TMCO5A: variants seen among roughly 807,000 people sequenced by gnomAD.
TMCO5A encodes transmembrane and coiled-coil domain-containing protein 5A.
TMCO5A carries 34 observed loss-of-function variants against 42.3 expected under a neutral mutation model. That is an observed-to-expected ratio of 0.80 (90% CI 0.61 to 1.07). The LOEUF (loss-of-function observed/expected upper bound fraction) is 1.07. Ranked by LOEUF, TMCO5A falls within the 50% of genes least tolerant of loss-of-function variation. The pLI is 0.00. For missense variants in TMCO5A, 357 were observed against 327.9 expected, an observed-to-expected ratio of 1.09 and a Z score of -0.69; for synonymous variants, 131 against 115.6, an observed-to-expected ratio of 1.13 and a Z score of -0.86.
intron 11 of TMCO5A, among the ~76,000 whole-genome samples, chr15:37,958,344 G>C (rs191769658): frequency 2.0e-4 from 31 of 151,978 alleles, no homozygotes; most frequent in Non-Finnish European, 3.5e-4. Context: ...CTATCTATCT[G>C]ACAAAGGGCT....
At chr15:38,001,555 G>T in the TMCO5A span, among the ~76,000 whole-genome samples, 1 of 149,618 alleles carries the variant, frequency 6.7e-6, no homozygotes, top group African/African-American at 2.5e-5. Context: ...TTTAAAATTT[G>T]TATCCTGATT....
intron 10 of TMCO5A, among the ~76,000 whole-genome samples, chr15:37,945,246 T>C (rs560288769): frequency 1.3e-5 from 2 of 152,160 alleles, no homozygotes; most frequent in Non-Finnish European, 2.9e-5. Flanking sequence ...ATGATGTATA[T>C]ATATCACATA....
chr15:37,949,344 A>G (rs1890078846), intron 11 of TMCO5A, among the ~76,000 whole-genome samples: 1 of 152,182 alleles, frequency 6.6e-6, no homozygotes, highest in South Asian at 2.1e-4. Context: ...ATTGAATAAA[A>G]TAATTCTAAA....
the TMCO5A span, among the ~76,000 whole-genome samples, chr15:37,998,804 C>T: frequency 6.6e-6 from 1 of 152,098 alleles, no homozygotes. Context: ...GACATTTGAA[C>T]AATATTGATT....
At chr15:37,951,474 G>C (rs927421747), downstream of TMCO5A, 1 of 441,918 alleles carries the variant, frequency 2.3e-6, no homozygotes, top group Non-Finnish European at 4.0e-6. Flanking sequence ...AAACAAATTT[G>C]ACCATTTGGG....
rs113519145 is a variant in TMCO5A, at chr15:37,940,998, C to G, written c.388-151C>G. ...AGCAAGTTTACCAAGCAGCTGCAAACGGTGCTGGGTGGCTTAATTCCTCTA... is the reference window on the plus strand; with the variant it reads ...AGCAAGTTTACCAAGCAGCTGCAAAGGGTGCTGGGTGGCTTAATTCCTCTA... On this transcript the variant is annotated intron_variant, in intron 6 of 11. Coordinates refer to ENST00000319669, the MANE Select transcript of TMCO5A (RefSeq NM_152453.4). The G allele has an allele frequency of 4.2e-3, 2,462 of 586,550 alleles. 50 individuals carry two copies. The highest frequency in any genetic ancestry group is 0.041 in the African/African-American group (2,212 of 53,436). 36.3% of individuals were successfully genotyped at this position (586,550 alleles called of 1,614,324 possible).
chr15:38,004,849 C>T, the TMCO5A span: 6 of 152,176 alleles, frequency 3.9e-5, no homozygotes, highest in African/African-American at 1.4e-4. Flanking sequence ...TGATTGTTCA[C>T]CTCAGTTTTC....
At chr15:37,966,020 G>A (rs1002263033) in intron 11 of TMCO5A, among the ~76,000 whole-genome samples, 10 of 151,954 alleles carry the variant, frequency 6.6e-5, no homozygotes, top group Admixed American at 4.6e-4. Flanking sequence ...CCCATCAACA[G>A]ATGAATGAAT....
At chr15:37,975,316 T>C in the TMCO5A span, among the ~76,000 whole-genome samples, 1 of 152,228 alleles carries the variant, frequency 6.6e-6, no homozygotes, top group Non-Finnish European at 1.5e-5. Flanking sequence ...GCCTCAATTA[T>C]CTAATACTGT....
the TMCO5A span, among the ~76,000 whole-genome samples, chr15:37,981,221 A>AAAAAAAAAG: frequency 3.3e-5 from 5 of 151,510 alleles, no homozygotes; most frequent in African/African-American, 1.2e-4. Context: ...AAAAAAAAAA[A>AAAAAAAAAG]AAAACTGGTC....
At position 37,960,872 on chromosome 15, in the gene TMCO5A, G is replaced by T. The variant is rs1200443618; in HGVS notation, c.669-5753G>T. The stretch of plus-strand genomic sequence containing the variant: ...TCATGCCCTTAGGCTAATTTTTAAT[G>T]GGATTGTTTGGTTTTTCTTGCTGAC... On this transcript the variant is annotated intron_variant, in intron 11 of 11. Transcript: ENST00000559502. 2.6e-5 allele frequency among the ~76,000 whole-genome samples: 4 copies of T among 152,110 alleles called. 1 individual carries two copies. In the South Asian group the frequency reaches 8.3e-4, roughly 32 times the overall value.
the TMCO5A span, among the ~76,000 whole-genome samples, chr15:38,032,604 C>T: frequency 2.0e-5 from 3 of 152,006 alleles, no homozygotes; most frequent in South Asian, 6.2e-4. Flanking sequence ...ACATAAAATC[C>T]AGTGGGGTCA....
At chr15:37,937,841 A>T (rs947586741) in intron 5 of TMCO5A, among the ~76,000 whole-genome samples, 1 of 152,098 alleles carries the variant, frequency 6.6e-6, no homozygotes, top group African/African-American at 2.4e-5. Context: ...GTGGGCTTCC[A>T]ATGACTACCC....
chr15:37,966,732 T>C, exon 12 of TMCO5A: 1 of 702,568 alleles, frequency 1.4e-6, no homozygotes, highest in Non-Finnish European at 2.6e-6. Flanking sequence ...GGTTCAGCAG[T>C]AAAGTCCAGA....
At chr15:37,966,768 G>A (rs950713381) in exon 12 of TMCO5A, 5 of 696,476 alleles carry the variant, frequency 7.2e-6, no homozygotes, top group Non-Finnish European at 1.3e-5. Context: ...GCCTATCTGA[G>A]GTCAATTGCC....
intron 9 of TMCO5A, chr15:37,942,719 C>G (rs1889789802): frequency 6.2e-6 from 1 of 160,022 alleles, no homozygotes; most frequent in Admixed American, 5.9e-5. Flanking sequence ...TTATATAAAT[C>G]AGAACTGTAC....
intron 11 of TMCO5A, among the ~76,000 whole-genome samples, chr15:37,961,679 T>C (rs1310905006): frequency 2.6e-5 from 4 of 152,134 alleles, no homozygotes; most frequent in Admixed American, 1.3e-4. Flanking sequence ...ATGGGATGTG[T>C]TTCCATTTGT....
the TMCO5A span, among the ~76,000 whole-genome samples, chr15:38,034,676 AC>A: frequency 6.6e-6 from 1 of 151,736 alleles, no homozygotes; most frequent in Non-Finnish European, 1.5e-5. Context: ...CATGCTACCA[AC>A]TCCCAAATAT....
chr15:37,950,802 A>G (rs997370773), intron 11 of TMCO5A, among the ~76,000 whole-genome samples: 8 of 152,172 alleles, frequency 5.3e-5, no homozygotes, highest in African/African-American at 1.4e-4. Flanking sequence ...TCAGAGAACA[A>G]AATTATTTTA....
Sources: gnomAD v4.1 joint callset for allele counts (sites outside exome capture counted in the v4.1 genomes callset) on GRCh38, gnomAD v4.1.1 for gene constraint, MANE v1.5 for transcripts, NCBI Gene and HGNC (gene_info 2026-07-23, HGNC 2026-07-21) for gene names.